Variants in PIP5K1B observed in about 807,000 individuals in gnomAD.
PIP5K1B encodes the protein phosphatidylinositol-4-phosphate 5-kinase type 1 beta.
PIP5K1B carries 42 observed loss-of-function variants against 67.0 expected under a neutral mutation model. The ratio of observed to expected loss-of-function variants is 0.63; its 90% CI spans 0.49 to 0.81. The LOEUF is 0.81. Ranked by LOEUF, PIP5K1B falls within the 30% of genes least tolerant of loss-of-function variation. The pLI is 0.00. For missense variants in PIP5K1B, 459 were observed against 646.3 expected, an observed-to-expected ratio of 0.71 and a Z score of 3.14; for synonymous variants, 214 against 231.4, an observed-to-expected ratio of 0.92 and a Z score of 0.68.
intron 2 of PIP5K1B, among the ~76,000 whole-genome samples, chr9:68,756,568 G>T (rs1340430332): frequency 6.6e-6 from 1 of 152,092 alleles, no homozygotes; most frequent in African/African-American, 2.4e-5. Flanking sequence ...AATTAGAAAA[G>T]AATTTTCTTT....
chr9:68,884,413 C>T (rs1307763479), intron 6 of PIP5K1B, among the ~76,000 whole-genome samples: 1 of 151,514 alleles, frequency 6.6e-6, no homozygotes, highest in African/African-American at 2.4e-5. Context: ...CCTGTAGTCC[C>T]AGCACTTTGG....
intron 4 of PIP5K1B, among the ~76,000 whole-genome samples, chr9:68,853,396 T>G (rs1822593078): frequency 6.6e-6 from 1 of 152,158 alleles, no homozygotes; most frequent in South Asian, 2.1e-4. Context: ...GTTGTTGATA[T>G]GTCATGAGTA....
chr9:68,983,871 G>A (rs1829993784), intron 14 of PIP5K1B, among the ~76,000 whole-genome samples: 1 of 152,062 alleles, frequency 6.6e-6, no homozygotes, highest in Non-Finnish European at 1.5e-5. Context: ...GGCAATATAG[G>A]GAGACCTCAT....
chr9:68,964,058 T>C (rs1189443291), intron 14 of PIP5K1B: 1 of 152,236 alleles, frequency 6.6e-6, no homozygotes, highest in Non-Finnish European at 1.5e-5. Context: ...GTTATTCATA[T>C]CAGAAGGAAA....
At chr9:68,918,095 A>T (rs5898050) in intron 9 of PIP5K1B, among the ~76,000 whole-genome samples, 91,939 of 142,748 alleles carry the variant, frequency 0.64, 31,808 homozygotes, top group Admixed American at 0.76. Context: ...TTATTTATTT[A>T]TTTTTTTTTT....
chr9:68,934,331 A>G (rs985036313), intron 12 of PIP5K1B, among the ~76,000 whole-genome samples: 1 of 152,198 alleles, frequency 6.6e-6, no homozygotes, highest in African/African-American at 2.4e-5. Flanking sequence ...TGACCTAGAA[A>G]AGAGCTAAAG....
chr9:69,000,233 G>A (rs188288408), intron 15 of PIP5K1B, among the ~76,000 whole-genome samples: 29 of 152,230 alleles, frequency 1.9e-4, no homozygotes, highest in Admixed American at 1.8e-3. Context: ...CAAATCTGGG[G>A]TGGAGAAAGC....
rs1282743471 is a variant in PIP5K1B, at chr9:68,782,199, CTG to C, written c.-85-36259_-85-36258del. ...TGGGTTTCTGACAGCAACAACAGGACTGTGAATTGTTTAACCTCTGTGGTTAA... is the reference window on the plus strand; with the variant it reads ...TGGGTTTCTGACAGCAACAACAGGACTGAATTGTTTAACCTCTGTGGTTAA... On this transcript the variant is annotated intron_variant, in intron 2 of 15. Transcript: ENST00000265382. 9 of 167,034 alleles carry C rather than the reference CTG, an allele frequency of 5.4e-5. No homozygotes were observed. In the East Asian group the frequency reaches 1.7e-3, roughly 32 times the overall value. 10.3% of individuals were successfully genotyped at this position (167,034 alleles called of 1,614,324 possible). A position where few individuals can be genotyped will look rare whatever the true frequency, so the allele number is the denominator to read the frequency against.
At chr9:68,788,353 C>T in intron 2 of PIP5K1B, 1 of 947,104 alleles carries the variant, frequency 1.1e-6, no homozygotes, top group Non-Finnish European at 1.6e-6. Context: ...GTATTTTATG[C>T]CCTTAAAGGG....
At chr9:68,729,342 GAGT>G (rs1230621187) in intron 1 of PIP5K1B, among the ~76,000 whole-genome samples, 2 of 152,090 alleles carry the variant, frequency 1.3e-5, no homozygotes, top group African/African-American at 4.8e-5. Context: ...GATTATTGAA[GAGT>G]AGGAGTAAAC....
intron 14 of PIP5K1B, among the ~76,000 whole-genome samples, chr9:68,977,711 G>A (rs1587749931): frequency 6.8e-6 from 1 of 147,594 alleles, no homozygotes; most frequent in East Asian, 2.0e-4. Flanking sequence ...CTGGGGTACA[G>A]TGGCATGGTC....
intron 3 of PIP5K1B, among the ~76,000 whole-genome samples, chr9:68,822,119 T>A (rs1434018975): frequency 6.6e-6 from 1 of 152,204 alleles, no homozygotes; most frequent in Non-Finnish European, 1.5e-5. Flanking sequence ...ACTTCCCAGA[T>A]AATTTTACAG....
At chr9:68,751,373 A>C (rs372797738) in intron 2 of PIP5K1B, among the ~76,000 whole-genome samples, 4 of 152,216 alleles carry the variant, frequency 2.6e-5, no homozygotes, top group South Asian at 4.1e-4. Flanking sequence ...TCATAGGCAA[A>C]CATTTCTTGC....
chr9:68,792,361 A>G (rs936537059), intron 2 of PIP5K1B, among the ~76,000 whole-genome samples: 1 of 152,164 alleles, frequency 6.6e-6, no homozygotes, highest in African/African-American at 2.4e-5. Flanking sequence ...TGAGTTCATG[A>G]TATTTGCGGT....
intron 14 of PIP5K1B, among the ~76,000 whole-genome samples, chr9:68,958,906 G>A (rs2132730304): frequency 6.6e-6 from 1 of 152,242 alleles, no homozygotes; most frequent in Admixed American, 6.5e-5. Flanking sequence ...AGAAATGTAT[G>A]GCACTGAGAG....
chr9:69,008,469 A>C lies in PIP5K1B; in HGVS notation c.*20A>C. 2 of 1,612,936 alleles carry C rather than the reference A, an allele frequency of 1.2e-6. No homozygotes were observed. The highest frequency in any genetic ancestry group is 1.7e-6 in the Non-Finnish European group (2 of 1,178,884). ...CAGTAAGTGAAAATGGTGATCACCTAAGCACATGGATGAGACGTGAGCACA... is the reference window on the plus strand; with the variant it reads ...CAGTAAGTGAAAATGGTGATCACCTCAGCACATGGATGAGACGTGAGCACA... On this transcript the variant is annotated 3_prime_UTR_variant, in exon 16 of 16. Transcript: ENST00000265382.
chr9:68,909,015 G>GC (rs960073864), intron 8 of PIP5K1B, among the ~76,000 whole-genome samples: 2 of 152,140 alleles, frequency 1.3e-5, no homozygotes, highest in Admixed American at 1.3e-4. Flanking sequence ...ATGGAACATA[G>GC]CAAGTTTTCT....
At chr9:68,817,743 A>G (rs1224299400) in intron 2 of PIP5K1B, among the ~76,000 whole-genome samples, 8 of 138,652 alleles carry the variant, frequency 5.8e-5, no homozygotes, top group Non-Finnish European at 9.2e-5. Flanking sequence ...TTTTTAAGAG[A>G]CAGAGTCTCA....
intron 11 of PIP5K1B, among the ~76,000 whole-genome samples, chr9:68,921,705 G>A (rs915510221): frequency 1.3e-5 from 2 of 152,104 alleles, no homozygotes; most frequent in Non-Finnish European, 2.9e-5. Context: ...ACAAAAATTA[G>A]CCAGACGTGG....
Sources: allele counts gnomAD v4.1 joint callset (sites outside exome capture counted in the v4.1 genomes callset), GRCh38; gene constraint gnomAD v4.1.1; transcripts MANE v1.5; gene names NCBI Gene and HGNC (gene_info 2026-07-23, HGNC 2026-07-21).